The following DOCK2 variants were observed in gnomAD, a reference collection of about 807,000 sequenced individuals.
DOCK2 encodes the protein dedicator of cytokinesis protein 2.
A neutral mutation model predicts 248.9 loss-of-function variants in DOCK2; 87 were observed. The observed-to-expected ratio is 0.35, with a 90% CI of 0.29 to 0.42. The LOEUF (loss-of-function observed/expected upper bound fraction) is 0.42. DOCK2 is among the 10% of genes least tolerant of loss of function. The probability of loss-of-function intolerance (pLI) is 1.00; values close to 1 mark genes in which losing one functional copy is unlikely to be tolerated. For synonymous variants in DOCK2, 805 were observed against 821.6 expected (o/e 0.98, Z 0.35); for missense variants, 1,747 against 2,300.2 (o/e 0.76, Z 4.92).
chr5:169,752,143 G>A (rs1259157857), intron 23 of DOCK2, among the ~76,000 whole-genome samples: 1 of 152,164 alleles, frequency 6.6e-6, no homozygotes, highest in Non-Finnish European at 1.5e-5. Flanking sequence ...CCACACACAT[G>A]TAAATTAGAT....
At chr5:169,994,539 T>G (rs1451589887) in intron 29 of DOCK2, among the ~76,000 whole-genome samples, 1 of 152,068 alleles carries the variant, frequency 6.6e-6, no homozygotes, top group Non-Finnish European at 1.5e-5. Context: ...ATGGGGGTGG[T>G]CTCAGTCACT....
At chr5:170,009,273 C>T (rs751579695) in intron 32 of DOCK2, among the ~76,000 whole-genome samples, 2 of 151,918 alleles carry the variant, frequency 1.3e-5, no homozygotes, top group African/African-American at 4.8e-5. Context: ...AGAGATGGAA[C>T]GAAGGAGACA....
chr5:169,689,256 A>G lies in DOCK2; in HGVS notation c.766A>G (p.Asn256Asp). The G allele has an allele frequency of 6.2e-7, 1 of 1,614,108 alleles. No homozygotes were observed. The highest frequency in any genetic ancestry group is 1.7e-5 in the Admixed American group (1 of 60,014). The change falls in exon 9 of 52, where the codon AAC becomes GAC. Residue 256 changes from asparagine (N) to aspartate (D), a missense_variant. Physicochemically the swap from Asn to Asp is conservative, Grantham distance 23. This residue lies in a region of DOCK2 where 375 missense variants were observed against 510.9 expected (regional missense o/e 0.73). Coordinates refer to ENST00000520908, the MANE Select transcript of DOCK2 (RefSeq NM_004946.3). ...DPNKQTVISE[N>D]YLVRWGSRGF... Reference sequence around the variant, plus strand: ...CTGCCACTCTTCTTCCCACAGTGAGAACTACCTAGTGCGATGGGGCAGCCG... The same window carrying G: ...CTGCCACTCTTCTTCCCACAGTGAGGACTACCTAGTGCGATGGGGCAGCCG...
At chr5:170,020,723 G>A (rs944791144) in intron 33 of DOCK2, among the ~76,000 whole-genome samples, 10 of 152,216 alleles carry the variant, frequency 6.6e-5, no homozygotes, top group Admixed American at 3.9e-4. Flanking sequence ...GCTGCAACCC[G>A]TACTATCCAG....
intron 19 of DOCK2, among the ~76,000 whole-genome samples, chr5:169,715,517 A>G (rs1467904788): frequency 1.3e-5 from 2 of 152,116 alleles, no homozygotes; most frequent in Non-Finnish European, 2.9e-5. Context: ...ACTTTAATAA[A>G]GTCTATAGCC....
chr5:169,713,063 A>C (rs1761674656), intron 17 of DOCK2, among the ~76,000 whole-genome samples: 1 of 152,210 alleles, frequency 6.6e-6, no homozygotes. Context: ...CAGCCTCGTC[A>C]AGGCTTCATC....
intron 1 of DOCK2, among the ~76,000 whole-genome samples, chr5:169,642,458 A>G (rs945185162): frequency 1.3e-5 from 2 of 152,214 alleles, no homozygotes; most frequent in African/African-American, 2.4e-5. Flanking sequence ...CTTGAATTAG[A>G]TGATGTGAGA....
At chr5:169,782,867 G>A (rs1440197094) in intron 25 of DOCK2, among the ~76,000 whole-genome samples, 1 of 151,340 alleles carries the variant, frequency 6.6e-6, no homozygotes, top group African/African-American at 2.4e-5. Flanking sequence ...AATTCCACAT[G>A]TGATAGTTGG....
At chr5:169,869,630 T>C (rs1179952805) in intron 27 of DOCK2, among the ~76,000 whole-genome samples, 2 of 152,188 alleles carry the variant, frequency 1.3e-5, no homozygotes, top group Non-Finnish European at 2.9e-5. Context: ...AAAGAGAAGA[T>C]GCATTTCTAC....
At chr5:169,812,145 C>A (rs922683386) in intron 26 of DOCK2, among the ~76,000 whole-genome samples, 2 of 152,182 alleles carry the variant, frequency 1.3e-5, no homozygotes, top group Non-Finnish European at 2.9e-5. Flanking sequence ...AGCTGGAGAG[C>A]GAGTAAAACT....
At chr5:169,804,444 GTGTGTGTGTGTGTGTGTGT>G (rs1767187700) in intron 26 of DOCK2, among the ~76,000 whole-genome samples, 1 of 50,526 alleles carries the variant, frequency 2.0e-5, no homozygotes, top group Non-Finnish European at 5.0e-5. Context: ...CAAAGTGTGT[GTGTGTGTGTGTGTGTGTGT>G]GTGTGTGTGT....
chr5:169,889,501 G>T (rs892264680), intron 27 of DOCK2, among the ~76,000 whole-genome samples: 12 of 152,196 alleles, frequency 7.9e-5, no homozygotes, highest in African/African-American at 2.9e-4. Context: ...ACAAAACGTT[G>T]TACAGGGTAG....
intron 26 of DOCK2, among the ~76,000 whole-genome samples, chr5:169,824,292 CAA>C (rs552143730): frequency 2.5e-3 from 382 of 152,180 alleles, no homozygotes; most frequent in African/African-American, 8.9e-3. Flanking sequence ...CATGTGGAAA[CAA>C]AAAAGAGCCT....
chr5:169,976,069 G>T (rs527845873), intron 27 of DOCK2, among the ~76,000 whole-genome samples: 1 of 152,292 alleles, frequency 6.6e-6, no homozygotes, highest in Non-Finnish European at 1.5e-5. Flanking sequence ...TTTATGGAGG[G>T]GGTGGTCCCT....
chr5:169,798,165 A>C (rs931396307), intron 25 of DOCK2, among the ~76,000 whole-genome samples: 1 of 152,184 alleles, frequency 6.6e-6, no homozygotes, highest in African/African-American at 2.4e-5. Flanking sequence ...GAGCAAGGCA[A>C]ACACCCACTG....
intron 26 of DOCK2, 138 bp downstream of exon 26, chr5:169,803,344 C>G: frequency 9.0e-7 from 1 of 1,115,362 alleles, no homozygotes. Flanking sequence ...GCCTACTTTT[C>G]CTGTGACTAA....
At chr5:170,039,442 C>T (rs1395925830) in intron 36 of DOCK2, among the ~76,000 whole-genome samples, 1 of 152,230 alleles carries the variant, frequency 6.6e-6, no homozygotes, top group East Asian at 1.9e-4. Context: ...ACCCTGAGAA[C>T]AGTGCCTGCG....
At chr5:169,798,191 A>C (rs746219141) in intron 25 of DOCK2, among the ~76,000 whole-genome samples, 2 of 152,148 alleles carry the variant, frequency 1.3e-5, no homozygotes, top group Non-Finnish European at 2.9e-5. Context: ...CCACCTAGCA[A>C]ATATATCCTT....
Position 169,764,205 on chromosome 5 carries a change from A to T in DOCK2, c.2554+2580A>T, listed in dbSNP as rs1764641797. 6.6e-6 allele frequency among the ~76,000 whole-genome samples: 1 copy of T among 152,144 alleles called. No individual in the cohort carries two copies. The highest frequency in any genetic ancestry group is 2.1e-4 in the South Asian group (1 of 4,820). ...GAGCCTGCACTCATTTAACTGCCAGATGTGCAAATTGCCTGGAGTATTTTC... is the reference window on the plus strand; with the variant it reads ...GAGCCTGCACTCATTTAACTGCCAGTTGTGCAAATTGCCTGGAGTATTTTC... On this transcript the variant is annotated intron_variant, in intron 25 of 51. Coordinates refer to ENST00000520908, the MANE Select transcript of DOCK2 (RefSeq NM_004946.3). This position sits in a 1 kb window ranked among gnomAD's most constrained non-coding sequence, Gnocchi z 4.3.
Sources: gnomAD v4.1 joint callset for allele counts (sites outside exome capture counted in the v4.1 genomes callset) on GRCh38, gnomAD v4.1.1 for gene constraint, gnomAD v4.1.1 regional missense constraint, Gnocchi (gnomAD v3.1) non-coding constraint, MANE v1.5 for transcripts, NCBI Gene and HGNC (gene_info 2026-07-23, HGNC 2026-07-21) for gene names.